Variants in APP observed in about 807,000 individuals in gnomAD.
The protein encoded by APP is amyloid beta precursor protein, also known as amyloid-beta precursor protein.
A neutral mutation model predicts 101.4 loss-of-function variants in APP; 31 were observed. The observed-to-expected ratio is 0.31, with a 90% confidence interval of 0.23 to 0.41. The LOEUF (loss-of-function observed/expected upper bound fraction) is 0.41. Ranked by LOEUF, APP falls within the 10% of genes least tolerant of loss-of-function variation. The pLI is 1.00. For missense variants in APP, 839 were observed against 1,003.7 expected, an observed-to-expected ratio of 0.84 and a Z score of 2.22; for synonymous variants, 366 against 364.4, an observed-to-expected ratio of 1.00 and a Z score of -0.05.
chr21:26,016,886 A>T (rs1296169365), intron 6 of APP, among the ~76,000 whole-genome samples: 1 of 142,664 alleles, frequency 7.0e-6, no homozygotes, highest in African/African-American at 2.6e-5. Flanking sequence ...AATTAAAAAA[A>T]TTTTTTTCGG....
intron 3 of APP, among the ~76,000 whole-genome samples, chr21:26,083,758 T>C (rs1336747293): frequency 6.6e-6 from 1 of 152,168 alleles, no homozygotes; most frequent in East Asian, 1.9e-4. Flanking sequence ...ATAGATAAAT[T>C]CTGTGCTTCA....
At chr21:26,056,160 C>T (rs917580664) in intron 3 of APP, among the ~76,000 whole-genome samples, 81 of 152,310 alleles carry the variant, frequency 5.3e-4, no homozygotes, top group Admixed American at 5.3e-3. Flanking sequence ...ACCTCAGCCT[C>T]CTGAGTAGCT....
intron 4 of APP, among the ~76,000 whole-genome samples, 191 bp from the exon 5 acceptor site, chr21:26,051,384 T>G (rs1156771315): frequency 2.6e-5 from 2 of 75,694 alleles, no homozygotes; most frequent in African/African-American, 1.3e-4. Context: ...TGGTACTCTT[T>G]TTATTCTTGT....
chr21:26,033,730 T>C (rs963893925), intron 5 of APP, among the ~76,000 whole-genome samples: 1 of 152,074 alleles, frequency 6.6e-6, no homozygotes, highest in Non-Finnish European at 1.5e-5. Flanking sequence ...GGAGGACAGA[T>C]AGGTGGAGGA....
intron 13 of APP, among the ~76,000 whole-genome samples, chr21:25,913,467 G>A (rs920745760): frequency 2.6e-5 from 4 of 152,134 alleles, no homozygotes; most frequent in African/African-American, 9.7e-5. Flanking sequence ...CATAGGTAGC[G>A]GCTAATAACT....
chr21:26,020,035 C>CT lies in APP; in HGVS notation c.865+1804dup, dbSNP rs199857156. Among the ~76,000 whole-genome samples, 800 of 152,038 alleles carry CT rather than the reference C, an allele frequency of 5.3e-3. 4 individuals carry two copies. Among genetic ancestry groups the CT allele is most frequent in the African/African-American group, 0.018 (767 of 41,470 alleles). On this transcript the variant is annotated intron_variant, in intron 6 of 17. Coordinates refer to ENST00000346798, the MANE Select transcript of APP (RefSeq NM_000484.4). ...AACTTAATCCATCTTGCACTCTGTT[C>CT]TTTTTTTTCAAAGAACATGTAAAAC...
At chr21:26,067,091 T>C (rs750102377) in intron 3 of APP, among the ~76,000 whole-genome samples, 8 of 152,218 alleles carry the variant, frequency 5.3e-5, no homozygotes, top group Non-Finnish European at 7.3e-5. Context: ...CACAGAAATA[T>C]AATAGAGGCC....
At chr21:25,894,470 C>T (rs2037900202) in intron 16 of APP, among the ~76,000 whole-genome samples, 1 of 152,124 alleles carries the variant, frequency 6.6e-6, no homozygotes, top group African/African-American at 2.4e-5. Flanking sequence ...ATCAAAACAT[C>T]AGCAATAACG....
At chr21:25,897,886 C>A (rs1202403690) in intron 15 of APP, 1 of 574,120 alleles carries the variant, frequency 1.7e-6, no homozygotes, top group African/African-American at 1.9e-5. Flanking sequence ...TAAGGGAAAC[C>A]TGAAAGTAAG....
rs2063363373 is a variant in APP at position 26,155,799 on chromosome 21, T to C, written c.57+14765A>G. Among the ~76,000 whole-genome samples, 3 of 152,038 alleles carry C rather than the reference T, an allele frequency of 2.0e-5. No homozygotes were observed. In the South Asian group the frequency reaches 6.2e-4, roughly 32 times the overall value. On this transcript the variant is annotated intron_variant, in intron 1 of 17. Coordinates refer to ENST00000346798, the MANE Select transcript of APP (RefSeq NM_000484.4). ...TCATGAGGTCAGGAGATCAAGACCA[T>C]CCTGGCTAACATGGTGAAACCCTGT...
At chr21:26,169,581 G>A (rs767803829) in intron 1 of APP, among the ~76,000 whole-genome samples, 2 of 152,220 alleles carry the variant, frequency 1.3e-5, no homozygotes, top group South Asian at 2.1e-4. Flanking sequence ...AGCCTCGGAG[G>A]TGATCCGAGG....
chr21:25,989,556 T>C (rs2042776035), intron 8 of APP, among the ~76,000 whole-genome samples: 1 of 152,200 alleles, frequency 6.6e-6, no homozygotes, highest in African/African-American at 2.4e-5. Flanking sequence ...GAAGGCTGAA[T>C]GTTTCCCTAA....
chr21:26,145,822 T>C (rs924322451), intron 1 of APP, among the ~76,000 whole-genome samples: 23 of 152,216 alleles, frequency 1.5e-4, no homozygotes, highest in Non-Finnish European at 2.9e-5. Flanking sequence ...TCTGAATGTT[T>C]TCACTTATAT....
intron 11 of APP, among the ~76,000 whole-genome samples, chr21:25,965,880 C>A (rs1048218085): frequency 6.6e-6 from 1 of 152,044 alleles, no homozygotes; most frequent in African/African-American, 2.4e-5. Flanking sequence ...CATTAAAATA[C>A]GTAGGTTTGC....
intron 6 of APP, among the ~76,000 whole-genome samples, chr21:26,001,215 A>T (rs1342243111): frequency 6.6e-6 from 1 of 152,184 alleles, no homozygotes; most frequent in Non-Finnish European, 1.5e-5. Flanking sequence ...CACCCTCCCC[A>T]AGATCAGTTT....
chr21:26,093,511 C>CT (rs1437257854), intron 2 of APP, among the ~76,000 whole-genome samples: 1 of 152,104 alleles, frequency 6.6e-6, no homozygotes, highest in Non-Finnish European at 1.5e-5. Context: ...AAAAGGATCT[C>CT]TTTTTCATGT....
intron 5 of APP, among the ~76,000 whole-genome samples, chr21:26,027,248 C>T (rs1280668310): frequency 2.0e-5 from 3 of 152,112 alleles, no homozygotes; most frequent in Admixed American, 2.0e-4. Flanking sequence ...GAGGTTCAGA[C>T]TCTTCCTCTG....
intron 2 of APP, among the ~76,000 whole-genome samples, chr21:26,105,861 C>T (rs138451449): frequency 3.3e-5 from 5 of 152,332 alleles, no homozygotes; most frequent in African/African-American, 1.2e-4. Context: ...CTAATCCATA[C>T]CCACTGTGTT....
At chr21:26,089,847 A>C in intron 3 of APP, 96 bp downstream of exon 3, 1 of 1,571,548 alleles carries the variant, frequency 6.4e-7, no homozygotes, top group South Asian at 1.1e-5. Context: ...GTGCTGAAGA[A>C]CAAGTCTGTG....
Sources: allele counts gnomAD v4.1 joint callset (sites outside exome capture counted in the v4.1 genomes callset), GRCh38; gene constraint gnomAD v4.1.1; transcripts MANE v1.5; gene names NCBI Gene and HGNC (gene_info 2026-07-23, HGNC 2026-07-21).